The following DIP2C variants were observed in gnomAD, a reference collection of about 807,000 sequenced individuals.
The protein encoded by DIP2C is DIP2 acetate--CoA ligase C (putative), also known as disco-interacting protein 2 homolog C.
Under a neutral mutation model 192.4 loss-of-function variants are expected in DIP2C, and 33 were observed. That is an observed-to-expected ratio of 0.17 (90% confidence interval 0.13 to 0.23). DIP2C has a LOEUF of 0.23. DIP2C is among the 10% of genes least tolerant of loss of function. The pLI, the probability that DIP2C is intolerant of heterozygous loss-of-function variation, is 1.00. For missense variants in DIP2C, 1,537 were observed against 2,110.1 expected (o/e 0.73, Z 5.32); for synonymous variants, 979 against 864.1 (o/e 1.13, Z -2.33).
chr10:554,751 C>T lies in DIP2C; in HGVS notation c.86-68221G>A, dbSNP rs146969384. Among the ~76,000 whole-genome samples, 6 of 152,288 alleles carry T rather than the reference C, an allele frequency of 3.9e-5. No homozygotes were observed. The South Asian group carries it at 8.3e-4, about 21-fold the overall frequency. On this transcript the variant is annotated intron_variant, in intron 1 of 36. Coordinates refer to ENST00000280886, the MANE Select transcript of DIP2C (RefSeq NM_014974.3). The stretch of plus-strand genomic sequence containing the variant: ...GAAATACAGCCTGGGGAGCAATCAC[C>T]GAGTTGCCTGGCAGTGGGGAGTGAG...
intron 3 of DIP2C, among the ~76,000 whole-genome samples, chr10:457,375 C>T (rs946095285): frequency 6.6e-6 from 1 of 152,168 alleles, no homozygotes; most frequent in East Asian, 1.9e-4. Context: ...ACCATTTCCA[C>T]AGCATCTCAC....
chr10:544,146 C>T (rs778600745), intron 1 of DIP2C, among the ~76,000 whole-genome samples: 1 of 151,102 alleles, frequency 6.6e-6, no homozygotes, highest in Non-Finnish European at 1.5e-5. Flanking sequence ...CAGTGCGTGA[C>T]CTTTGGTGTG....
chr10:408,548 G>T (rs943174393), intron 9 of DIP2C, among the ~76,000 whole-genome samples: 1 of 152,138 alleles, frequency 6.6e-6, no homozygotes, highest in Non-Finnish European at 1.5e-5. Context: ...TTGGTTTATG[G>T]AGCTCTAAAT....
At chr10:685,280 C>T (rs970845478) in intron 1 of DIP2C, among the ~76,000 whole-genome samples, 18 of 150,148 alleles carry the variant, frequency 1.2e-4, no homozygotes, top group African/African-American at 3.5e-4. Context: ...CCTCCCTCTG[C>T]AAGCAGGTTC....
At chr10:497,480 C>T (rs2133623428) in intron 1 of DIP2C, among the ~76,000 whole-genome samples, 1 of 152,328 alleles carries the variant, frequency 6.6e-6, no homozygotes, top group South Asian at 2.1e-4. Context: ...TCTTCATCAG[C>T]AATGGGGCAG....
intron 28 of DIP2C, among the ~76,000 whole-genome samples, chr10:342,008 G>A (rs1958172560): frequency 6.6e-6 from 1 of 152,216 alleles, no homozygotes; most frequent in African/African-American, 2.4e-5. Context: ...TGGGGAATGT[G>A]AGTGGCTGAT....
rs1390964256 is a variant in DIP2C at position 651,833 on chromosome 10, A to G, written c.85+37661T>C. ...GGCATGAGAGAGATGGTGTGGGGCG[A>G]AACCAATGGGGAAACTACAAAAGAA... On this transcript the variant is annotated intron_variant, in intron 1 of 36. Coordinates refer to ENST00000280886, the MANE Select transcript of DIP2C (RefSeq NM_014974.3). This position sits in a 1 kb window ranked among gnomAD's most constrained non-coding sequence, Gnocchi z 4.1. 4.5e-6 allele frequency: 1 copy of G among 223,482 alleles called. No homozygotes were observed. Among genetic ancestry groups the G allele is most frequent in the African/African-American group, 2.3e-5 (1 of 42,616 alleles). The allele number at this position is 223,482 out of a possible 1,614,324, so 13.8% of individuals were successfully genotyped here. A position where few individuals can be genotyped will look rare whatever the true frequency, so the allele number is the denominator to read the frequency against.
chr10:277,675 G>A, intron 36 of DIP2C, 98 bp from the exon 37 acceptor site: 1 of 1,499,640 alleles, frequency 6.7e-7, no homozygotes, highest in Admixed American at 1.9e-5. Context: ...TGACCTGCCT[G>A]AGCACTGCCC....
chr10:612,552 AAAG>A (rs1588601985), intron 1 of DIP2C, among the ~76,000 whole-genome samples: 1 of 152,306 alleles, frequency 6.6e-6, no homozygotes, highest in Admixed American at 6.5e-5. Context: ...TTTGATTTCA[AAAG>A]AACAGAGATG....
At chr10:304,085 G>A (rs1234781027) in intron 32 of DIP2C, among the ~76,000 whole-genome samples, 1 of 152,150 alleles carries the variant, frequency 6.6e-6, no homozygotes, top group African/African-American at 2.4e-5. Flanking sequence ...TAGAGAATAT[G>A]CTCTAAGATA....
intron 3 of DIP2C, among the ~76,000 whole-genome samples, chr10:470,676 GGA>G (rs143880635): frequency 6.6e-6 from 1 of 152,286 alleles, no homozygotes; most frequent in African/African-American, 2.4e-5. Context: ...GCAGCATCGT[GGA>G]GAGAGAGAGA....
At chr10:541,697 T>C (rs910098720) in intron 1 of DIP2C, among the ~76,000 whole-genome samples, 11 of 136,582 alleles carry the variant, frequency 8.1e-5, no homozygotes, top group African/African-American at 3.1e-4. Flanking sequence ...ACCCTCCACC[T>C]GACCACCCCC....
At chr10:346,508 A>G (rs1381381787) in intron 26 of DIP2C, among the ~76,000 whole-genome samples, 2 of 129,030 alleles carry the variant, frequency 1.6e-5, no homozygotes, top group African/African-American at 3.1e-5. Context: ...GCACCCAGAC[A>G]CATCGCGCAT....
intron 1 of DIP2C, among the ~76,000 whole-genome samples, chr10:598,345 C>T (rs193214589): frequency 1.3e-5 from 2 of 152,360 alleles, no homozygotes; most frequent in Admixed American, 6.5e-5. Flanking sequence ...CACCAAGAGA[C>T]CCCTGCATTG....
intron 9 of DIP2C, among the ~76,000 whole-genome samples, chr10:399,889 C>T (rs565752732): frequency 2.0e-5 from 3 of 152,206 alleles, no homozygotes; most frequent in Non-Finnish European, 2.9e-5. Flanking sequence ...CCTGGCCCTG[C>T]AGCAGTCTTC....
chr10:619,540 C>T (rs1397138558), intron 1 of DIP2C, among the ~76,000 whole-genome samples: 1 of 125,166 alleles, frequency 8.0e-6, no homozygotes, highest in Non-Finnish European at 1.7e-5. Flanking sequence ...CCCGCCCGCC[C>T]GCCCTCCCAC....
At chr10:376,129 C>A (rs1158038596) in intron 17 of DIP2C, among the ~76,000 whole-genome samples, 1 of 152,210 alleles carries the variant, frequency 6.6e-6, no homozygotes, top group Non-Finnish European at 1.5e-5. Context: ...CTCACACGGG[C>A]CTCTGACGTA....
At position 634,360 on chromosome 10, in the gene DIP2C, T is replaced by C. The variant is rs370217820; in HGVS notation, c.85+55134A>G. On this transcript the variant is annotated intron_variant, in intron 1 of 36. Coordinates refer to ENST00000280886, the MANE Select transcript of DIP2C (RefSeq NM_014974.3). Reference sequence around the variant, plus strand: ...GTCCAAGGCAGCTACACTAAACTACTTGTCCAGGGCAGATCCACTCGTAAT... The same window carrying C: ...GTCCAAGGCAGCTACACTAAACTACCTGTCCAGGGCAGATCCACTCGTAAT... 5.3e-5 allele frequency among the ~76,000 whole-genome samples: 8 copies of C among 152,186 alleles called. No individual in the cohort carries two copies. The East Asian group carries it at 1.3e-3, about 26-fold the overall frequency.
intron 1 of DIP2C, among the ~76,000 whole-genome samples, chr10:604,983 C>A (rs1413295822): frequency 6.6e-6 from 1 of 152,154 alleles, no homozygotes; most frequent in South Asian, 2.1e-4. Flanking sequence ...CATCTACTTC[C>A]GAAAGATCTA....
Sources: gnomAD v4.1 joint callset for allele counts (sites outside exome capture counted in the v4.1 genomes callset) on GRCh38, gnomAD v4.1.1 for gene constraint, Gnocchi (gnomAD v3.1) non-coding constraint, MANE v1.5 for transcripts, NCBI Gene and HGNC (gene_info 2026-07-23, HGNC 2026-07-21) for gene names.